Variants in ZNRF2 observed in about 807,000 individuals in gnomAD.
The protein encoded by ZNRF2 is zinc and ring finger 2.
ZNRF2 carries 16 observed loss-of-function variants against 20.4 expected under a neutral mutation model. That is an observed-to-expected ratio of 0.79 (90% CI 0.53 to 1.19). The LOEUF (loss-of-function observed/expected upper bound fraction) is 1.19. Among genes scored for constraint, ZNRF2 ranks in the 50% most tolerant of loss-of-function variants. ZNRF2 has a pLI of 0.00. For synonymous variants in ZNRF2, 178 were observed against 144.9 expected (o/e 1.23, Z -1.64); for missense variants, 363 against 332.4 (o/e 1.09, Z -0.72).
At chr7:30,304,088 C>T (rs1023305686) in intron 1 of ZNRF2, among the ~76,000 whole-genome samples, 6 of 152,118 alleles carry the variant, frequency 3.9e-5, no homozygotes, top group African/African-American at 1.4e-4. Context: ...AGTTTACCTT[C>T]GCAGTGAAGT....
intron 1 of ZNRF2, among the ~76,000 whole-genome samples, chr7:30,321,627 C>A (rs574524355): frequency 6.6e-6 from 1 of 152,070 alleles, no homozygotes; most frequent in African/African-American, 2.4e-5. Context: ...TTTTTAGGTT[C>A]ACAGTATTGC....
At chr7:30,363,189 T>C (rs887747079) in intron 4 of ZNRF2, among the ~76,000 whole-genome samples, 5 of 152,102 alleles carry the variant, frequency 3.3e-5, no homozygotes, top group Admixed American at 1.3e-4. Flanking sequence ...GCCGAGATCA[T>C]GCCACTGCAC....
chr7:30,331,024 C>T (rs1799628729), intron 2 of ZNRF2, among the ~76,000 whole-genome samples: 1 of 152,134 alleles, frequency 6.6e-6, no homozygotes. Flanking sequence ...ATTTTTGATA[C>T]TACAAACTGA....
chr7:30,349,781 G>A (rs148058812), intron 2 of ZNRF2, among the ~76,000 whole-genome samples: 1 of 152,052 alleles, frequency 6.6e-6, no homozygotes, highest in Non-Finnish European at 1.5e-5. Context: ...GAATAGAAAT[G>A]AACCTGAAAT....
At chr7:30,337,174 A>C (rs1393814068) in intron 2 of ZNRF2, among the ~76,000 whole-genome samples, 1 of 152,136 alleles carries the variant, frequency 6.6e-6, no homozygotes, top group Non-Finnish European at 1.5e-5. Flanking sequence ...ACAGATATTT[A>C]TGACTTATGT....
intron 1 of ZNRF2, among the ~76,000 whole-genome samples, chr7:30,304,465 AATG>A (rs2128058516): frequency 6.6e-6 from 1 of 152,318 alleles, no homozygotes; most frequent in Non-Finnish European, 1.5e-5. Context: ...ATGGCTTGTA[AATG>A]ATATTAGTGT....
chr7:30,337,816 C>T (rs1398403468), intron 2 of ZNRF2, among the ~76,000 whole-genome samples: 2 of 151,806 alleles, frequency 1.3e-5, no homozygotes, highest in Non-Finnish European at 2.9e-5. Context: ...AATATGTTTG[C>T]ATGGTTCCTA....
At chr7:30,346,809 TG>T (rs1799886998) in intron 2 of ZNRF2, among the ~76,000 whole-genome samples, 1 of 152,128 alleles carries the variant, frequency 6.6e-6, no homozygotes, top group Non-Finnish European at 1.5e-5. Context: ...GTTTTTTGTT[TG>T]TTCCTTTTAT....
At chr7:30,299,573 A>C (rs985132100) in intron 1 of ZNRF2, among the ~76,000 whole-genome samples, 2 of 152,280 alleles carry the variant, frequency 1.3e-5, no homozygotes, top group East Asian at 3.9e-4. Context: ...AGGTTAGATA[A>C]AATGACAGTC....
intron 2 of ZNRF2, among the ~76,000 whole-genome samples, chr7:30,324,942 T>TGC (rs1251492306): frequency 6.6e-6 from 1 of 152,234 alleles, no homozygotes; most frequent in African/African-American, 2.4e-5. Flanking sequence ...ACTCTACCTA[T>TGC]GCAGTGCATA....
chr7:30,355,631 G>C, intron 2 of ZNRF2, 97 bp from the exon 3 acceptor site: 1 of 908,892 alleles, frequency 1.1e-6, no homozygotes, highest in Non-Finnish European at 1.7e-6. Context: ...GCCAAGTAAG[G>C]TGGAATCACA....
intron 3 of ZNRF2, among the ~76,000 whole-genome samples, chr7:30,361,715 A>AT (rs932056951): frequency 5.9e-5 from 9 of 152,188 alleles, no homozygotes; most frequent in Admixed American, 1.3e-4. Context: ...GAGGAACTGG[A>AT]TTTTTTTATT....
At chr7:30,330,769 T>TAAA (rs796187971) in intron 2 of ZNRF2, among the ~76,000 whole-genome samples, 3 of 144,994 alleles carry the variant, frequency 2.1e-5, no homozygotes, top group African/African-American at 7.5e-5. Flanking sequence ...TAACTGAAGT[T>TAAA]AAAAAAAAAA....
chr7:30,288,578 G>A (rs983379416), intron 1 of ZNRF2, among the ~76,000 whole-genome samples: 5 of 152,190 alleles, frequency 3.3e-5, no homozygotes, highest in African/African-American at 4.8e-5. Context: ...ATGTCATTTG[G>A]ACATCTGTTT....
chr7:30,322,710 A>G (rs974526396), intron 1 of ZNRF2, among the ~76,000 whole-genome samples: 1 of 151,776 alleles, frequency 6.6e-6, no homozygotes, highest in Non-Finnish European at 1.5e-5. Context: ...TTTTTGTTCC[A>G]CTTCTGATTT....
intron 2 of ZNRF2, 42 bp downstream of exon 2, chr7:30,323,779 A>T: frequency 1.6e-6 from 2 of 1,259,634 alleles, no homozygotes; most frequent in South Asian, 1.5e-5. Context: ...GTTAGAATTA[A>T]CTTACATTTT....
chr7:30,338,275 C>T (rs1799746152), intron 2 of ZNRF2, among the ~76,000 whole-genome samples: 1 of 149,798 alleles, frequency 6.7e-6, no homozygotes, highest in South Asian at 2.1e-4. Context: ...ATGCTGTGCC[C>T]ATTTTTTTTT....
At chr7:30,310,150 A>C (rs1018778724) in intron 1 of ZNRF2, among the ~76,000 whole-genome samples, 17 of 152,186 alleles carry the variant, frequency 1.1e-4, no homozygotes, top group Non-Finnish European at 1.9e-4. Context: ...AGGAGGTAAA[A>C]TCTACCAGGT....
At chr7:30,356,697 GTATTT>G (rs1800044063) in intron 3 of ZNRF2, among the ~76,000 whole-genome samples, 1 of 128,422 alleles carries the variant, frequency 7.8e-6, no homozygotes. Flanking sequence ...ATATAACATT[GTATTT>G]TTTTTTTTTT....
Sources: allele counts gnomAD v4.1 joint callset (sites outside exome capture counted in the v4.1 genomes callset), GRCh38; gene constraint gnomAD v4.1.1; transcripts MANE v1.5; gene names NCBI Gene and HGNC (gene_info 2026-07-23, HGNC 2026-07-21).